Variants in GZMM observed in about 807,000 individuals in gnomAD.
The protein encoded by GZMM is HU-Met-1.
GZMM carries 23 observed loss-of-function variants against 19.2 expected under a neutral mutation model. The observed-to-expected ratio is 1.20, with a 90% CI of 0.86 to 1.69. The LOEUF is 1.69. GZMM is among the 40% of genes most tolerant of loss of function. The pLI, the probability that GZMM is intolerant of heterozygous loss-of-function variation, is 0.00. For missense variants in GZMM, 373 were observed against 352.2 expected, an observed-to-expected ratio of 1.06 and a Z score of -0.47; for synonymous variants, 178 against 160.2, an observed-to-expected ratio of 1.11 and a Z score of -0.84.
Position 549,198 on chromosome 19 carries a change from C to G in GZMM, c.612+13C>G, listed in dbSNP as rs368750243. On this transcript the variant is annotated intron_variant, in intron 4 of 4. Transcript: ENST00000264553. ...GGCTCCCTGCAAGGTGAGGGGCGCC[C>G]GGGTGGGGCTGGGGGAATGAGGCTG... The G allele has an allele frequency of 6.4e-7, 1 of 1,557,076 alleles. No individual in the cohort carries two copies. The highest frequency in any genetic ancestry group is 1.9e-5 in the Admixed American group (1 of 52,380).
In GZMM at chr19:549,823, C is replaced by T. The variant is rs776889894; in HGVS notation, c.*32C>T. 3.2e-6 allele frequency: 5 copies of T among 1,562,994 alleles called. No homozygotes were observed. The Admixed American group carries it at 8.5e-5, about 26-fold the overall frequency. On this transcript the variant is annotated 3_prime_UTR_variant, in exon 5 of 5. Coordinates refer to ENST00000264553, the MANE Select transcript of GZMM (RefSeq NM_005317.4). ...GGGGTGATGGGGACCCCCTCGCTGT[C>T]TCCACAGGACCCTTCCCCTCCAGGG...
intron 2 of GZMM, 37 bp downstream of exon 2, chr19:547,473 G>A (rs760316637): frequency 9.0e-5 from 121 of 1,338,816 alleles, no homozygotes; most frequent in Non-Finnish European, 1.1e-4. Flanking sequence ...GGGGTCCGGG[G>A]AATCCATCCG....
Position 549,672 on chromosome 19 carries a change from T to A in GZMM, c.655T>A (p.Leu219Met). Residue 219 changes from leucine (L) to methionine (M), a missense_variant, in exon 5 of 5, where the codon TTG (leucine) becomes ATG (methionine). Transcript: ENST00000264553. ...GPLVCGKGRV[L>M]ARVLSFSSRV... ...CCTGGTGTGTGGCAAAGGCCGGGTGTTGGCCAGAGTCCTGTCCTTCAGCTC... is the reference window on the plus strand; with the variant it reads ...CCTGGTGTGTGGCAAAGGCCGGGTGATGGCCAGAGTCCTGTCCTTCAGCTC... 6.2e-7 allele frequency: 1 copy of A among 1,613,690 alleles called. No homozygotes were observed. Among genetic ancestry groups the A allele is most frequent in the Non-Finnish European group, 8.5e-7 (1 of 1,179,898 alleles).
At chr19:545,406 G>GGC (rs1980237881) in intron 1 of GZMM, among the ~76,000 whole-genome samples, 1 of 152,214 alleles carries the variant, frequency 6.6e-6, no homozygotes, top group African/African-American at 2.4e-5. Context: ...GGAGTGCGAT[G>GGC]GTGCCATCTC....
Position 549,851 on chromosome 19 carries a change from G to A in GZMM, c.*60G>A. 1.8e-6 allele frequency: 2 copies of A among 1,132,322 alleles called. No homozygotes were observed. The highest frequency in any genetic ancestry group is 2.6e-6 in the Non-Finnish European group (2 of 776,742). 70.1% of individuals were successfully genotyped at this position (1,132,322 alleles called of 1,614,324 possible). ...CACAGGACCCTTCCCCTCCAGGGGTGCAGTGGGGTGGGTGAGGACGGGTGG... is the reference window on the plus strand; with the variant it reads ...CACAGGACCCTTCCCCTCCAGGGGTACAGTGGGGTGGGTGAGGACGGGTGG... On this transcript the variant is annotated 3_prime_UTR_variant, in exon 5 of 5. Transcript: ENST00000264553.
rs758189560 is a variant in GZMM at position 549,004 on chromosome 19, G to A, written c.431G>A (p.Arg144Gln). The A allele has an allele frequency of 5.1e-5, 82 of 1,603,432 alleles. No individual in the cohort carries two copies. Among genetic ancestry groups the A allele is most frequent in the Middle Eastern group, 3.5e-4 (2 of 5,768 alleles). Reference protein sequence around the residue: ...SKRQVVAAGTRCSMAGWGLTH... With the variant: ...SKRQVVAAGTQCSMAGWGLTH... The stretch of plus-strand genomic sequence containing the variant: ...CGCCAGGTGGTGGCAGCAGGGACTC[G>A]GTGCAGCATGGCCGGCTGGGGGCTG... The change falls in exon 4 of 5, where the codon CGG (arginine) becomes CAG (glutamine). Residue 144 changes from arginine to glutamine, a missense_variant. Arg to Gln is a conservative substitution (Grantham distance 43). Transcript: ENST00000264553.
intron 1 of GZMM, among the ~76,000 whole-genome samples, chr19:544,797 C>T (rs116301773): frequency 0.09 from 12,194 of 135,250 alleles, 703 homozygotes; most frequent in Middle Eastern, 0.15. Flanking sequence ...CATTCTTCCA[C>T]CCACCCATCC....
intron 1 of GZMM, among the ~76,000 whole-genome samples, chr19:545,105 C>T (rs1202633638): frequency 2.0e-5 from 3 of 152,226 alleles, no homozygotes; most frequent in Non-Finnish European, 4.4e-5. Flanking sequence ...TTCCATCCCT[C>T]CTTCCTTTCT....
intron 2 of GZMM, 89 bp from the exon 3 acceptor site, chr19:548,453 G>T: frequency 7.4e-7 from 1 of 1,351,032 alleles, no homozygotes. Flanking sequence ...GATGGCCATG[G>T]ACAACGGGCA....
rs562217886 is a variant in GZMM, at chr19:548,758, C to T, written c.348+81C>T. On this transcript the variant is annotated intron_variant, in intron 3 of 4. Coordinates refer to ENST00000264553, the MANE Select transcript of GZMM (RefSeq NM_005317.4). ...CCTCACCCCCACTGCGCCCTCCCCC[C>T]GCTGCCGACCCTCCCCCCGCACTGC... 1.3e-4 allele frequency: 159 copies of T among 1,212,556 alleles called. No individual in the cohort carries two copies. In the East Asian group the frequency reaches 3.2e-3, roughly 25 times the overall value. 75.1% of individuals were successfully genotyped at this position (1,212,556 alleles called of 1,614,324 possible).
chr19:549,249 C>G, intron 4 of GZMM, 64 bp downstream of exon 4: 1 of 1,464,314 alleles, frequency 6.8e-7, no homozygotes, highest in Non-Finnish European at 9.2e-7. Context: ...CCAGGGCAGC[C>G]GCCGGGCAGG....
intron 1 of GZMM, among the ~76,000 whole-genome samples, chr19:545,490 G>A (rs1204024760): frequency 6.6e-6 from 1 of 152,084 alleles, no homozygotes; most frequent in Non-Finnish European, 1.5e-5. Flanking sequence ...TGGGATTACA[G>A]GCGCCTGCCA....
intron 1 of GZMM, 99 bp from the exon 2 acceptor site, chr19:547,181 C>T: frequency 1.7e-6 from 2 of 1,152,548 alleles, no homozygotes; most frequent in Non-Finnish European, 2.3e-6. Context: ...GATGGCACAT[C>T]TGCTTGGGGT....
At chr19:546,256 T>C (rs2145858780) in intron 1 of GZMM, among the ~76,000 whole-genome samples, 1 of 152,252 alleles carries the variant, frequency 6.6e-6, no homozygotes, top group Middle Eastern at 3.4e-3. Flanking sequence ...ACTACATTTC[T>C]TGCTGGGCAC....
intron 1 of GZMM, among the ~76,000 whole-genome samples, chr19:546,760 C>T (rs1980298046): frequency 1.3e-5 from 2 of 152,018 alleles, no homozygotes; most frequent in African/African-American, 4.8e-5. Context: ...ATGGCATGAA[C>T]CCAGGAGGCG....
chr19:548,999 G>A lies in GZMM; in HGVS notation c.426G>A (p.Gly142=), dbSNP rs765171911. ...GTAAGCGCCAGGTGGTGGCAGCAGGGACTCGGTGCAGCATGGCCGGCTGGG... is the reference window on the plus strand; with the variant it reads ...GTAAGCGCCAGGTGGTGGCAGCAGGAACTCGGTGCAGCATGGCCGGCTGGG... The part of the protein sequence containing the change: ...LPSKRQVVAA[G]TRCSMAGWGL... Residue 142 remains glycine (G), a synonymous_variant, in exon 4 of 5, where the codon GGG becomes GGA. Transcript: ENST00000264553. 2 of 1,604,390 alleles carry A rather than the reference G, an allele frequency of 1.2e-6. No individual in the cohort carries two copies. Among genetic ancestry groups the A allele is most frequent in the Non-Finnish European group, 1.7e-6 (2 of 1,176,658 alleles).
At chr19:545,098 C>CCTCCCTCCTTCCTCCCTCCCTTT in intron 1 of GZMM, among the ~76,000 whole-genome samples, 1 of 125,918 alleles carries the variant, frequency 7.9e-6, no homozygotes, top group Admixed American at 7.4e-5. Context: ...TTCCTCCTTC[C>CCTCCCTCCTTCCTCCCTCCCTTT]ATCCCTCCTT....
At chr19:545,210 CTG>C (rs755434172) in intron 1 of GZMM, among the ~76,000 whole-genome samples, 6 of 151,332 alleles carry the variant, frequency 4.0e-5, no homozygotes, top group Admixed American at 2.0e-4. Flanking sequence ...AGGCATGAGA[CTG>C]TGCAGAGCGG....
Position 549,881 on chromosome 19 carries a change from G to GTTGGT in GZMM, c.*90_*91insTTGGT. 1 of 450,722 alleles carries GTTGGT rather than the reference G, an allele frequency of 2.2e-6. No individual in the cohort carries two copies. Among genetic ancestry groups the GTTGGT allele is most frequent in the Non-Finnish European group, 4.3e-6 (1 of 233,128 alleles). The allele number at this position is 450,722 out of a possible 1,614,324, so 27.9% of individuals were successfully genotyped here. On this transcript the variant is annotated 3_prime_UTR_variant, in exon 5 of 5. Transcript: ENST00000264553. ...GGGGTGGGTGAGGACGGGTGGGAGG[G>GTTGGT]ACAGGGAGGGACCAATAAATCATAA...
Sources: gnomAD v4.1 joint callset for allele counts (sites outside exome capture counted in the v4.1 genomes callset) on GRCh38, gnomAD v4.1.1 for gene constraint, MANE v1.5 for transcripts, NCBI Gene and HGNC (gene_info 2026-07-23, HGNC 2026-07-21) for gene names.